The following INTS2 variants were observed in gnomAD, a reference collection of about 807,000 sequenced individuals.
INTS2 encodes KIAA1287.
In INTS2, 57 loss-of-function variants were observed where a neutral mutation model predicts 139.6. The ratio of observed to expected loss-of-function variants is 0.41; its 90% CI spans 0.33 to 0.51. The LOEUF (loss-of-function observed/expected upper bound fraction) is 0.51. Ranked by LOEUF, INTS2 falls within the 20% of genes least tolerant of loss-of-function variation. The pLI is 0.28. For missense variants in INTS2, 1,196 were observed against 1,436.7 expected, an observed-to-expected ratio of 0.83 and a Z score of 2.71; for synonymous variants, 473 against 493.4, an observed-to-expected ratio of 0.96 and a Z score of 0.55.
chr17:61,915,582 G>A (rs971925366), intron 5 of INTS2, among the ~76,000 whole-genome samples: 2 of 149,858 alleles, frequency 1.3e-5, no homozygotes, highest in African/African-American at 4.9e-5. Flanking sequence ...ACTTTGGGAG[G>A]CCGAGAAGGG....
intron 9 of INTS2, among the ~76,000 whole-genome samples, chr17:61,899,925 AAT>A (rs1278606454): frequency 6.4e-4 from 98 of 151,994 alleles, no homozygotes; most frequent in African/African-American, 2.2e-3. Flanking sequence ...AAAAAAAAAA[AAT>A]ACCTTATAAG....
intron 3 of INTS2, among the ~76,000 whole-genome samples, chr17:61,923,415 T>G (rs1447408851): frequency 7.2e-6 from 1 of 139,322 alleles, no homozygotes; most frequent in Non-Finnish European, 1.5e-5. Flanking sequence ...AGGCGGAGCT[T>G]GCAGTGAGCC....
At chr17:61,903,349 C>T (rs1260485046) in intron 9 of INTS2, among the ~76,000 whole-genome samples, 1 of 150,946 alleles carries the variant, frequency 6.6e-6, no homozygotes, top group Non-Finnish European at 1.5e-5. Context: ...AGCCACCACG[C>T]CTGGGTAATA....
intron 5 of INTS2, among the ~76,000 whole-genome samples, chr17:61,913,724 C>T (rs1357502719): frequency 1.3e-5 from 2 of 151,944 alleles, no homozygotes; most frequent in African/African-American, 4.8e-5. Context: ...TGCCAACAAA[C>T]CCACCCTACA....
In INTS2 at chr17:61,889,767, T is replaced by C; in HGVS notation, c.1984+19A>G. The C allele has an allele frequency of 8.1e-7, 1 of 1,241,142 alleles. No individual in the cohort carries two copies. The highest frequency in any genetic ancestry group is 1.2e-6 in the Non-Finnish European group (1 of 851,930). 76.9% of individuals were successfully genotyped at this position (1,241,142 alleles called of 1,614,324 possible). On this transcript the variant is annotated intron_variant, in intron 15 of 24. Coordinates refer to ENST00000251334, the MANE Select transcript of INTS2 (RefSeq NM_001351695.2). ...TAAAATAAACTACCACTAGAACCAC[T>C]CCTCTACGTACAACTTACCTAAAGT...
chr17:61,919,236 C>T (rs1351632826), intron 5 of INTS2, among the ~76,000 whole-genome samples, 164 bp downstream of exon 5: 3 of 151,812 alleles, frequency 2.0e-5, no homozygotes, highest in African/African-American at 7.3e-5. Flanking sequence ...TCTTTAAACT[C>T]AATACAATTT....
At chr17:61,911,816 G>A (rs1052018983) in intron 6 of INTS2, 123 bp from the exon 7 acceptor site, 20 of 1,409,144 alleles carry the variant, frequency 1.4e-5, no homozygotes, top group East Asian at 2.3e-5. Flanking sequence ...AACCCAGAGA[G>A]GAAGGTAACA....
chr17:61,883,724 C>G (rs1275785188), intron 16 of INTS2, among the ~76,000 whole-genome samples: 1 of 150,696 alleles, frequency 6.6e-6, no homozygotes, highest in Non-Finnish European at 1.5e-5. Context: ...AGTACTCCAG[C>G]CTGTGAGACA....
At chr17:61,908,321 A>G (rs1265114830) in intron 7 of INTS2, among the ~76,000 whole-genome samples, 1 of 152,192 alleles carries the variant, frequency 6.6e-6, no homozygotes, top group Non-Finnish European at 1.5e-5. Flanking sequence ...AGGCTGAAGC[A>G]CAAGAATCGC....
At position 61,870,631 on chromosome 17, in the gene INTS2, G is replaced by A. The variant is rs1376728603; in HGVS notation, c.2779-643C>T. 6.6e-6 allele frequency among the ~76,000 whole-genome samples: 1 copy of A among 152,044 alleles called. No homozygotes were observed. The highest frequency in any genetic ancestry group is 6.6e-5 in the Admixed American group (1 of 15,252). On this transcript the variant is annotated intron_variant, in intron 20 of 24. Transcript: ENST00000251334. The surrounding 1 kb of genome is among the most constrained non-coding windows in gnomAD (Gnocchi z 4.4). ...AATCACTCTCATCTAGCAGAAAGAA[G>A]TAAAAAATAAAAATGAATACATGAC...
Position 61,923,689 on chromosome 17 carries a change from T to TG in INTS2, c.432+1271dup, listed in dbSNP as rs1567922239. Among the ~76,000 whole-genome samples, 7 of 149,654 alleles carry TG rather than the reference T, an allele frequency of 4.7e-5. No homozygotes were observed. In the South Asian group the frequency reaches 6.8e-4, roughly 15 times the overall value. ...AGTGGGTTTTTGTGGTGGTGGTGGT[T>TG]GTTGTTTTTGAGGCAGTTTTACTCT... On this transcript the variant is annotated intron_variant, in intron 3 of 24. Coordinates refer to ENST00000251334, the MANE Select transcript of INTS2 (RefSeq NM_001351695.2).
chr17:61,872,422 T>C lies in INTS2; in HGVS notation c.2621A>G (p.Asn874Ser). The C allele has an allele frequency of 1.2e-6, 2 of 1,611,016 alleles. No individual in the cohort carries two copies. The highest frequency in any genetic ancestry group is 1.7e-4 in the Middle Eastern group (1 of 6,046). Reference sequence around the variant, plus strand: ...GGCTTTAGATGCAAGAAGATATCCATTCAACATGTGTAGGGTAATATCCAT... The same window carrying C: ...GGCTTTAGATGCAAGAAGATATCCACTCAACATGTGTAGGGTAATATCCAT... ...PLMDITLHMLNGYLLASKAYL... is the reference protein window; with the variant it reads ...PLMDITLHMLSGYLLASKAYL... Residue 874 changes from asparagine (N) to serine (S), a missense_variant, in exon 20 of 25, where the codon AAT becomes AGT. This residue lies in a region of INTS2 where 1,129 missense variants were observed against 1,341.9 expected (regional missense o/e 0.84). Transcript: ENST00000251334. The surrounding 1 kb of genome is among the most constrained non-coding windows in gnomAD (Gnocchi z 4.8).
intron 1 of INTS2, 131 bp downstream of exon 1, chr17:61,927,523 G>T (rs1411368702): frequency 2.4e-6 from 1 of 415,632 alleles, no homozygotes. Context: ...GAGGAGCCAA[G>T]ACCTGCGTGC....
chr17:61,897,625 A>G lies in INTS2; in HGVS notation c.1380-42T>C, dbSNP rs1334973915. 1 of 1,582,126 alleles carries G rather than the reference A, an allele frequency of 6.3e-7. No homozygotes were observed. Among genetic ancestry groups the G allele is most frequent in the Non-Finnish European group, 8.6e-7 (1 of 1,160,272 alleles). On this transcript the variant is annotated intron_variant, in intron 10 of 24. Transcript: ENST00000251334. The surrounding 1 kb of genome is among the most constrained non-coding windows in gnomAD (Gnocchi z 4.4). ...GGAAATATGAATTTTCCAAAGAGAG[A>G]AGAAGAAAAGCTTTCTCAACTAACT...
intron 9 of INTS2, among the ~76,000 whole-genome samples, chr17:61,898,706 C>A (rs1263489107): frequency 6.6e-6 from 1 of 152,152 alleles, no homozygotes. Context: ...CTCCGCCTCC[C>A]GGGTTCAAGC....
chr17:61,869,452 A>C lies in INTS2; in HGVS notation c.3031-72T>G. The C allele has an allele frequency of 8.8e-7, 1 of 1,141,042 alleles. No homozygotes were observed. Among genetic ancestry groups the C allele is most frequent in the South Asian group, 1.4e-5 (1 of 69,622 alleles). 70.7% of individuals were successfully genotyped at this position (1,141,042 alleles called of 1,614,324 possible). On this transcript the variant is annotated intron_variant, in intron 21 of 24. Coordinates refer to ENST00000251334, the MANE Select transcript of INTS2 (RefSeq NM_001351695.2). This position sits in a 1 kb window ranked among gnomAD's most constrained non-coding sequence, Gnocchi z 5.4. The stretch of plus-strand genomic sequence containing the variant: ...AAAAGTACAGATAAAAATACAAATG[A>C]AAGATTTCATTTCCTTTCTGTAAAA...
In INTS2 at chr17:61,883,594, T is replaced by C. The variant is rs181344505; in HGVS notation, c.2089+1307A>G. 4.0e-5 allele frequency among the ~76,000 whole-genome samples: 6 copies of C among 151,520 alleles called. No homozygotes were observed. The East Asian group carries it at 7.8e-4, about 20-fold the overall frequency. The stretch of plus-strand genomic sequence containing the variant: ...GGCGAAATGAGGTCTCCACTAAAAA[T>C]ACAAAAATTTAGCTGGGCATGGTAG... On this transcript the variant is annotated intron_variant, in intron 16 of 24. Transcript: ENST00000251334.
At position 61,869,961 on chromosome 17, in the gene INTS2, C is replaced by CT; in HGVS notation, c.2805dup (p.Glu936ArgfsTer7). 1 of 1,613,618 alleles carries CT rather than the reference C, an allele frequency of 6.2e-7. No individual in the cohort carries two copies. Among genetic ancestry groups the CT allele is most frequent in the East Asian group, 2.2e-5 (1 of 44,868 alleles). On this transcript the variant is annotated frameshift_variant, in exon 21 of 25. Coordinates refer to ENST00000251334, the MANE Select transcript of INTS2 (RefSeq NM_001351695.2). LOFTEE classifies it high-confidence loss of function. The surrounding 1 kb of genome is among the most constrained non-coding windows in gnomAD (Gnocchi z 5.4). ...TCCTCTTCAGTAGGTAGGCAAATCT[C>CT]TAAGAGAATCTGGACAGCTGCACTA...
intron 15 of INTS2, among the ~76,000 whole-genome samples, chr17:61,889,275 CG>C (rs34624406): frequency 0.066 from 10,015 of 151,960 alleles, 582 homozygotes; most frequent in South Asian, 0.3. Flanking sequence ...TTAGTAGAGA[CG>C]GGGTTTCGCC....
Sources: allele counts gnomAD v4.1 joint callset (sites outside exome capture counted in the v4.1 genomes callset), GRCh38; gene constraint gnomAD v4.1.1; regional missense constraint gnomAD v4.1.1; non-coding constraint Gnocchi (gnomAD v3.1); transcripts MANE v1.5; gene names NCBI Gene and HGNC (gene_info 2026-07-23, HGNC 2026-07-21).